PTPRT: variants seen among roughly 807,000 people sequenced by gnomAD.
The protein encoded by PTPRT is protein tyrosine phosphatase receptor type T, also known as receptor-type tyrosine-protein phosphatase T.
In PTPRT, 56 loss-of-function variants were observed where a neutral mutation model predicts 176.8. The ratio of observed to expected loss-of-function variants is 0.32; its 90% CI spans 0.26 to 0.40. PTPRT has a LOEUF of 0.40. Among genes scored for constraint, PTPRT ranks in the 10% least tolerant of loss-of-function variants. PTPRT has a pLI of 1.00. For synonymous variants in PTPRT, 783 were observed against 739.0 expected (o/e 1.06, Z -0.96); for missense variants, 1,540 against 1,908.2 (o/e 0.81, Z 3.60).
intron 1 of PTPRT, among the ~76,000 whole-genome samples, chr20:43,020,055 C>T (rs1985587490): frequency 6.6e-6 from 1 of 150,854 alleles, no homozygotes; most frequent in East Asian, 1.9e-4. Context: ...CAAATCCCCT[C>T]TCCTCTCCCT....
At chr20:42,090,095 T>A (rs1244101923) in intron 27 of PTPRT, among the ~76,000 whole-genome samples, 1 of 152,204 alleles carries the variant, frequency 6.6e-6, no homozygotes, top group Non-Finnish European at 1.5e-5. Context: ...ATCTCTTAGC[T>A]TCTCCAGTTT....
At chr20:42,482,422 G>C (rs62204940) in intron 7 of PTPRT, among the ~76,000 whole-genome samples, 2 of 152,136 alleles carry the variant, frequency 1.3e-5, no homozygotes, top group Non-Finnish European at 2.9e-5. Context: ...TAACAGTATG[G>C]TAAGAGTATT....
chr20:42,113,815 T>A (rs1433634993), intron 22 of PTPRT, among the ~76,000 whole-genome samples: 3 of 152,258 alleles, frequency 2.0e-5, no homozygotes, highest in Admixed American at 2.0e-4. Context: ...AACATTGAAG[T>A]ACCGATGGTT....
chr20:42,224,523 A>T (rs1324739951), intron 15 of PTPRT, among the ~76,000 whole-genome samples: 1 of 152,160 alleles, frequency 6.6e-6, no homozygotes, highest in Admixed American at 6.5e-5. Flanking sequence ...CAAATTCTCA[A>T]CTAAGGTTCT....
intron 7 of PTPRT, among the ~76,000 whole-genome samples, chr20:42,597,944 T>C (rs1294230339): frequency 6.6e-6 from 1 of 151,964 alleles, no homozygotes; most frequent in Non-Finnish European, 1.5e-5. Context: ...ATCTTTGCCA[T>C]AGTAATCTCA....
intron 2 of PTPRT, among the ~76,000 whole-genome samples, chr20:42,845,095 A>G (rs8125304): frequency 0.11 from 16,178 of 152,200 alleles, 1,006 homozygotes; most frequent in Admixed American, 0.16. Context: ...GCCTAAGACC[A>G]AAGTGTCTAG....
intron 1 of PTPRT, among the ~76,000 whole-genome samples, chr20:43,145,362 A>G (rs1007711812): frequency 2.6e-5 from 4 of 152,336 alleles, no homozygotes; most frequent in African/African-American, 4.8e-5. Context: ...AAGAATTTCC[A>G]ACTATCAATC....
chr20:42,312,795 T>C (rs1267415767), intron 12 of PTPRT, among the ~76,000 whole-genome samples: 1 of 134,646 alleles, frequency 7.4e-6, no homozygotes, highest in African/African-American at 2.8e-5. Context: ...AGTTTCAGAG[T>C]GAGATCCTTT....
At chr20:42,393,504 T>C (rs567729567) in intron 9 of PTPRT, among the ~76,000 whole-genome samples, 2 of 150,956 alleles carry the variant, frequency 1.3e-5, no homozygotes, top group South Asian at 4.2e-4. Flanking sequence ...GATTACAGTG[T>C]GTGTCAGCCA....
intron 6 of PTPRT, among the ~76,000 whole-genome samples, chr20:42,725,595 GACTTTTATT>G: frequency 6.6e-6 from 1 of 152,134 alleles, no homozygotes; most frequent in East Asian, 1.9e-4. Flanking sequence ...AAGTCCTAGG[GACTTTTATT>G]ACTTTCCTAT....
intron 1 of PTPRT, among the ~76,000 whole-genome samples, chr20:42,897,196 A>T (rs2079317289): frequency 6.6e-6 from 1 of 152,184 alleles, no homozygotes; most frequent in Admixed American, 6.5e-5. Context: ...TCCTAATATA[A>T]AAAAAAGTTT....
intron 7 of PTPRT, among the ~76,000 whole-genome samples, chr20:42,646,607 A>G (rs1022278993): frequency 6.6e-6 from 1 of 152,088 alleles, no homozygotes; most frequent in Admixed American, 6.6e-5. Context: ...AACTCCAAAA[A>G]TTACATTTTG....
intron 12 of PTPRT, among the ~76,000 whole-genome samples, chr20:42,303,055 C>G (rs2057492490): frequency 6.6e-6 from 1 of 152,186 alleles, no homozygotes; most frequent in South Asian, 2.1e-4. Context: ...TGTAGTTTCT[C>G]TGCACCTCAT....
rs1008561269 is a variant in PTPRT at position 42,669,308 on chromosome 20, G to A, written c.1153+8558C>T. 3.9e-5 allele frequency among the ~76,000 whole-genome samples: 6 copies of A among 152,228 alleles called. No homozygotes were observed. The South Asian group carries it at 6.2e-4, about 16-fold the overall frequency. ...CGAGCATGGTGTGGCATGCATGAAAGTCCCCTCCTTCCCTAGATCCTCATG... is the reference window on the plus strand; with the variant it reads ...CGAGCATGGTGTGGCATGCATGAAAATCCCCTCCTTCCCTAGATCCTCATG... On this transcript the variant is annotated intron_variant, in intron 7 of 30. Transcript: ENST00000373187.
chr20:42,381,517 G>C (rs1427938931), intron 9 of PTPRT, among the ~76,000 whole-genome samples: 1 of 152,158 alleles, frequency 6.6e-6, no homozygotes, highest in Non-Finnish European at 1.5e-5. Flanking sequence ...TTAACATATA[G>C]TGTGGGTGAA....
At chr20:42,886,405 A>C (rs1384541741) in intron 1 of PTPRT, among the ~76,000 whole-genome samples, 1 of 152,128 alleles carries the variant, frequency 6.6e-6, no homozygotes, top group Non-Finnish European at 1.5e-5. Context: ...CCGTTTCCTC[A>C]CCTATGATAC....
intron 2 of PTPRT, among the ~76,000 whole-genome samples, chr20:42,807,719 T>C (rs1363228389): frequency 2.0e-5 from 3 of 152,204 alleles, no homozygotes; most frequent in Non-Finnish European, 1.5e-5. Context: ...TCCTGCTTAA[T>C]CGGGCTTCAA....
intron 12 of PTPRT, among the ~76,000 whole-genome samples, chr20:42,301,478 T>C (rs552244979): frequency 6.6e-6 from 1 of 152,258 alleles, no homozygotes; most frequent in South Asian, 2.1e-4. Context: ...TTTGTTATTG[T>C]TTAAATTTAC....
intron 12 of PTPRT, among the ~76,000 whole-genome samples, chr20:42,285,252 C>T (rs959449094): frequency 6.6e-6 from 1 of 151,982 alleles, no homozygotes; most frequent in African/African-American, 2.4e-5. Flanking sequence ...GTCACAATGA[C>T]TATCATTGAG....
Sources: allele counts gnomAD v4.1 joint callset (sites outside exome capture counted in the v4.1 genomes callset), GRCh38; gene constraint gnomAD v4.1.1; transcripts MANE v1.5; gene names NCBI Gene and HGNC (gene_info 2026-07-23, HGNC 2026-07-21).